ZNF710: variants seen among roughly 807,000 people sequenced by gnomAD.
The protein encoded by ZNF710 is zinc finger protein 710.
ZNF710 carries 13 observed loss-of-function variants against 50.6 expected under a neutral mutation model. The ratio of observed to expected loss-of-function variants is 0.26; its 90% CI spans 0.17 to 0.41. The LOEUF is 0.41. Among genes scored for constraint, ZNF710 ranks in the 10% least tolerant of loss-of-function variants. The pLI, the probability that ZNF710 is intolerant of heterozygous loss-of-function variation, is 1.00. For synonymous variants in ZNF710, 383 were observed against 397.0 expected (o/e 0.96, Z 0.42); for missense variants, 721 against 936.6 (o/e 0.77, Z 3.01).
rs186198599 is a variant in ZNF710 at position 90,079,022 on chromosome 15, A to G, written c.1826-638A>G. 1.9e-3 allele frequency among the ~76,000 whole-genome samples: 285 copies of G among 152,236 alleles called. 2 individuals are homozygous for G. The highest frequency in any genetic ancestry group is 6.6e-3 in the African/African-American group (275 of 41,540). ...CTACCCTGAGTGTTTGTCCCTGGAG[A>G]GCCAGGCCCAAGGATACCAATGGCT... is the stretch of plus-strand genomic sequence containing the variant. On this transcript the variant is annotated intron_variant, in intron 4 of 4. Coordinates refer to ENST00000268154, the MANE Select transcript of ZNF710 (RefSeq NM_198526.4).
intron 1 of ZNF710, chr15:90,006,954 T>C (rs1472080172): frequency 1.9e-5 from 3 of 154,604 alleles, no homozygotes; most frequent in Admixed American, 6.5e-5. Context: ...CTCTGATGTT[T>C]GGCTTTTTCC....
chr15:90,063,553 A>C (rs1900076823), intron 1 of ZNF710, among the ~76,000 whole-genome samples: 1 of 152,080 alleles, frequency 6.6e-6, no homozygotes, highest in Non-Finnish European at 1.5e-5. Context: ...GTCCCTTTCT[A>C]CAGCCAAGCA....
chr15:90,041,951 G>A (rs1016407995), intron 1 of ZNF710, among the ~76,000 whole-genome samples: 4 of 143,236 alleles, frequency 2.8e-5, no homozygotes, highest in Non-Finnish European at 4.5e-5. Flanking sequence ...AGGCTTGAGT[G>A]CAGTGGCATG....
At chr15:90,038,643 T>A (rs1371238393) in intron 1 of ZNF710, among the ~76,000 whole-genome samples, 1 of 152,090 alleles carries the variant, frequency 6.6e-6, no homozygotes, top group Admixed American at 6.6e-5. Context: ...CCAAAAATCT[T>A]CATGCATTAC....
chr15:90,041,692 CACA>C (rs1899298818), intron 1 of ZNF710, among the ~76,000 whole-genome samples: 1 of 152,152 alleles, frequency 6.6e-6, no homozygotes, highest in Non-Finnish European at 1.5e-5. Context: ...CTGTTGCTCT[CACA>C]ACACCATAAG....
In ZNF710 at chr15:90,079,882, A is replaced by C; in HGVS notation, c.*53A>C. On this transcript the variant is annotated 3_prime_UTR_variant, in exon 5 of 5. Coordinates refer to ENST00000268154, the MANE Select transcript of ZNF710 (RefSeq NM_198526.4). Reference sequence around the variant, plus strand: ...CCGGGGGCGAGGGCATGGGGGTGAGACCCATGGGCTGCAGGCTGCACCTCC... The same window carrying C: ...CCGGGGGCGAGGGCATGGGGGTGAGCCCCATGGGCTGCAGGCTGCACCTCC... 6.7e-7 allele frequency: 1 copy of C among 1,494,564 alleles called. No homozygotes were observed. Among genetic ancestry groups the C allele is most frequent in the Non-Finnish European group, 8.9e-7 (1 of 1,117,478 alleles). The allele number at this position is 1,494,564 out of a possible 1,614,324, so 92.6% of individuals were successfully genotyped here. A position where few individuals can be genotyped will look rare whatever the true frequency, so the allele number is the denominator to read the frequency against.
At chr15:90,010,027 T>C (rs1261818344) in intron 1 of ZNF710, among the ~76,000 whole-genome samples, 5 of 152,088 alleles carry the variant, frequency 3.3e-5, no homozygotes, top group Admixed American at 6.6e-5. Flanking sequence ...TCTGGGTCCT[T>C]TTCCTACCTC....
At chr15:90,018,928 A>G (rs1330410824) in intron 1 of ZNF710, among the ~76,000 whole-genome samples, 1 of 152,040 alleles carries the variant, frequency 6.6e-6, no homozygotes, top group African/African-American at 2.4e-5. Context: ...TTAGATTTGA[A>G]TGCCCAAGGA....
chr15:90,022,098 C>G (rs1002170668), intron 1 of ZNF710, among the ~76,000 whole-genome samples: 2 of 151,558 alleles, frequency 1.3e-5, no homozygotes, highest in Non-Finnish European at 2.9e-5. Flanking sequence ...CAAAACAAGG[C>G]TGGGTACAGT....
chr15:90,058,362 T>C (rs1319361323), intron 1 of ZNF710, among the ~76,000 whole-genome samples: 1 of 152,112 alleles, frequency 6.6e-6, no homozygotes, highest in Non-Finnish European at 1.5e-5. Flanking sequence ...TTCCCTATGC[T>C]GCCTGGACAC....
At chr15:90,049,869 T>C (rs1340152598) in intron 1 of ZNF710, among the ~76,000 whole-genome samples, 2 of 152,200 alleles carry the variant, frequency 1.3e-5, no homozygotes, top group Non-Finnish European at 2.9e-5. Context: ...GAACTTCTTA[T>C]CTGAGGCGAG....
chr15:90,072,301 T>C (rs1439825752), intron 2 of ZNF710, among the ~76,000 whole-genome samples: 1 of 152,136 alleles, frequency 6.6e-6, no homozygotes, highest in Non-Finnish European at 1.5e-5. Flanking sequence ...AAGAATCATC[T>C]GGGGGCCCTG....
chr15:90,067,779 A>G lies in ZNF710; in HGVS notation c.642A>G (p.Thr214=). ...MALPGPEALP[T]ECGFEPPHLA... ...TGCCTGGGCCAGAGGCCTTGCCCAC[A>G]GAGTGTGGGTTCGAGCCACCCCACC... is the stretch of plus-strand genomic sequence containing the variant. Residue 214 remains threonine (T), a synonymous_variant, in exon 2 of 5, where the codon ACA becomes ACG. Coordinates refer to ENST00000268154, the MANE Select transcript of ZNF710 (RefSeq NM_198526.4). This position sits in a 1 kb window ranked among gnomAD's most constrained non-coding sequence, Gnocchi z 8.1. 1 of 1,585,406 alleles carries G rather than the reference A, an allele frequency of 6.3e-7. No homozygotes were observed. The highest frequency in any genetic ancestry group is 1.1e-5 in the South Asian group (1 of 87,868).
intron 1 of ZNF710, among the ~76,000 whole-genome samples, chr15:90,035,112 G>GA (rs1899080460): frequency 6.6e-6 from 1 of 152,236 alleles, no homozygotes; most frequent in Non-Finnish European, 1.5e-5. Flanking sequence ...GATGTCGGGG[G>GA]CTGGGCCAGG....
intron 1 of ZNF710, among the ~76,000 whole-genome samples, chr15:90,020,206 G>A (rs1379322724): frequency 3.9e-5 from 6 of 152,316 alleles, no homozygotes; most frequent in Admixed American, 1.3e-4. Flanking sequence ...TTCCTCCTGC[G>A]TGACAGCGCA....
intron 2 of ZNF710, among the ~76,000 whole-genome samples, chr15:90,071,322 C>T (rs1405669628): frequency 1.4e-5 from 2 of 140,798 alleles, no homozygotes; most frequent in African/African-American, 5.0e-5. Context: ...AAGCTGAAAG[C>T]AAAAACCAAA....
Position 90,068,720 on chromosome 15 carries a change from T to C in ZNF710, c.1458+125T>C, listed in dbSNP as rs1296211995. The C allele has an allele frequency of 6.5e-6, 7 of 1,075,752 alleles. No individual in the cohort carries two copies. The highest frequency in any genetic ancestry group is 1.6e-5 in the African/African-American group (1 of 63,082). 66.6% of individuals were successfully genotyped at this position (1,075,752 alleles called of 1,614,324 possible). A position where few individuals can be genotyped will look rare whatever the true frequency, so the allele number is the denominator to read the frequency against. ...CTAGTTTTATCGTTACGTACTTATT[T>C]TGATGAGTATTAGAAATCAATTAGT... On this transcript the variant is annotated intron_variant, in intron 2 of 4. Coordinates refer to ENST00000268154, the MANE Select transcript of ZNF710 (RefSeq NM_198526.4). This position sits in a 1 kb window ranked among gnomAD's most constrained non-coding sequence, Gnocchi z 5.0.
intron 4 of ZNF710, among the ~76,000 whole-genome samples, chr15:90,077,499 C>T (rs1288488582): frequency 6.6e-6 from 1 of 152,060 alleles, no homozygotes; most frequent in Non-Finnish European, 1.5e-5. Context: ...CTGCCTTGGC[C>T]TCCCAAAGTG....
chr15:90,075,910 T>G (rs1019358178), intron 4 of ZNF710: 1 of 152,214 alleles, frequency 6.6e-6, no homozygotes, highest in Admixed American at 6.5e-5. Context: ...TGAGTCAGAC[T>G]CTACACTTCA....
Sources: allele counts gnomAD v4.1 joint callset (sites outside exome capture counted in the v4.1 genomes callset), GRCh38; gene constraint gnomAD v4.1.1; non-coding constraint Gnocchi (gnomAD v3.1); transcripts MANE v1.5; gene names NCBI Gene and HGNC (gene_info 2026-07-23, HGNC 2026-07-21).